GLUD1: variants seen among roughly 807,000 people sequenced by gnomAD.
The protein encoded by GLUD1 is glutamate dehydrogenase 1, mitochondrial.
A neutral mutation model predicts 56.0 loss-of-function variants in GLUD1; 22 were observed. The ratio of observed to expected loss-of-function variants is 0.39; its 90% CI spans 0.28 to 0.56. GLUD1 has a LOEUF of 0.56. GLUD1 is among the 20% of genes least tolerant of loss of function. The pLI is 0.58. For missense variants in GLUD1, 451 were observed against 732.0 expected (o/e 0.62, Z 4.43); for synonymous variants, 223 against 269.9 (o/e 0.83, Z 1.70).
At position 87,068,148 on chromosome 10, in the gene GLUD1, A is replaced by G; in HGVS notation, c.656T>C (p.Ile219Thr). Residue 219 changes from isoleucine to threonine, a missense_variant, in exon 5 of 13, where the codon ATT becomes ACT. This residue lies in a region of GLUD1 where 248 missense variants were observed against 460.0 expected (regional missense o/e 0.54). Transcript: ENST00000277865. ...GCTCATGTCTGGAGCAGGCACATCAATGCCAGGACCTGCGGGGGCACAGGG... is the reference window on the plus strand; with the variant it reads ...GCTCATGTCTGGAGCAGGCACATCAGTGCCAGGACCTGCGGGGGCACAGGG... ...LAKKGFIGPG[I>T]DVPAPDMSTG... 1 of 1,610,230 alleles carries G rather than the reference A, an allele frequency of 6.2e-7. No homozygotes were observed. The highest frequency in any genetic ancestry group is 8.5e-7 in the Non-Finnish European group (1 of 1,176,442).
Position 87,094,197 on chromosome 10 carries a change from G to A in GLUD1, c.445+128C>T. ...GGCCACATCCGAGGCGGGGTGACCC[G>A]GGCGGGGACCCGGCCCGCTCCAGCT... On this transcript the variant is annotated intron_variant, in intron 1 of 12. Coordinates refer to ENST00000277865, the MANE Select transcript of GLUD1 (RefSeq NM_005271.5). The surrounding 1 kb of genome is among the most constrained non-coding windows in gnomAD (Gnocchi z 6.6). 4 of 1,390,732 alleles carry A rather than the reference G, an allele frequency of 2.9e-6. No homozygotes were observed. Among genetic ancestry groups the A allele is most frequent in the Admixed American group, 2.7e-5 (1 of 37,122 alleles). The allele number at this position is 1,390,732 out of a possible 1,614,324, so 86.1% of individuals were successfully genotyped here. A position where few individuals can be genotyped will look rare whatever the true frequency, so the allele number is the denominator to read the frequency against.
intron 1 of GLUD1, among the ~76,000 whole-genome samples, chr10:87,085,911 C>T (rs941460590): frequency 6.6e-6 from 1 of 152,140 alleles, no homozygotes; most frequent in Non-Finnish European, 1.5e-5. Flanking sequence ...AACTTAGCTG[C>T]ACTTTCACAC....
intron 1 of GLUD1, chr10:87,091,617 G>T (rs2133862550): frequency 1.0e-6 from 1 of 959,802 alleles, no homozygotes; most frequent in Non-Finnish European, 1.2e-6. Context: ...TCAGGTACAT[G>T]TAGTAACTGG....
rs1441629623 is a variant in GLUD1 at position 87,050,331 on chromosome 10, AAAC to A, written c.*1417_*1419del. 6.6e-6 allele frequency among the ~76,000 whole-genome samples: 1 copy of A among 152,142 alleles called. No homozygotes were observed. The highest frequency in any genetic ancestry group is 2.4e-5 in the African/African-American group (1 of 41,432). On this transcript the variant is annotated 3_prime_UTR_variant, in exon 13 of 13. Transcript: ENST00000277865. ...GTAAAGCACCGAACAAAAAAAAAAA[AAAC>A]AATTCAAGAATAAAATCTGGGCAGC... is the stretch of plus-strand genomic sequence containing the variant.
chr10:87,071,084 G>A (rs762764116), intron 4 of GLUD1, among the ~76,000 whole-genome samples: 74 of 151,720 alleles, frequency 4.9e-4, no homozygotes, highest in Non-Finnish European at 9.1e-4. Flanking sequence ...AGCTGAGATC[G>A]TGCCACTACA....
intron 2 of GLUD1, 98 bp from the exon 3 acceptor site, chr10:87,076,121 G>C (rs1846386337): frequency 1.2e-6 from 1 of 864,492 alleles, no homozygotes. Flanking sequence ...GATGCTTTAA[G>C]CTTGAATTTC....
chr10:87,080,175 A>C lies in GLUD1; in HGVS notation c.446-3519T>G, dbSNP rs190605077. On this transcript the variant is annotated intron_variant, in intron 1 of 12. Coordinates refer to ENST00000277865, the MANE Select transcript of GLUD1 (RefSeq NM_005271.5). Reference sequence around the variant, plus strand: ...GGCTGGTCTCCAGCTCCTAACCGCGAGTGATCCGCCAGCCTAGGCCTCCGG... The same window carrying C: ...GGCTGGTCTCCAGCTCCTAACCGCGCGTGATCCGCCAGCCTAGGCCTCCGG... Among the ~76,000 whole-genome samples the C allele has an allele frequency of 8.0e-3, 1,221 of 152,034 alleles. 8 individuals are homozygous for C. Among genetic ancestry groups the C allele is most frequent in the African/African-American group, 0.028 (1,153 of 41,454 alleles).
chr10:87,059,308 T>G, intron 9 of GLUD1, 35 bp from the exon 10 acceptor site: 1 of 1,609,856 alleles, frequency 6.2e-7, no homozygotes, highest in Non-Finnish European at 8.5e-7. Flanking sequence ...AATTAGAAGA[T>G]GATGGTTTTC....
At chr10:87,063,971 C>T (rs1001757401) in intron 5 of GLUD1, among the ~76,000 whole-genome samples, 4 of 152,038 alleles carry the variant, frequency 2.6e-5, no homozygotes, top group Non-Finnish European at 4.4e-5. Context: ...CTCCATCTCC[C>T]GGGTTCACGC....
At chr10:87,065,251 T>C (rs971561331) in intron 5 of GLUD1, among the ~76,000 whole-genome samples, 14 of 115,378 alleles carry the variant, frequency 1.2e-4, no homozygotes, top group Non-Finnish European at 2.1e-4. Flanking sequence ...TGAGATCGGG[T>C]GACAGAGTGA....
chr10:87,087,863 A>G (rs1841420616), intron 1 of GLUD1, among the ~76,000 whole-genome samples: 1 of 152,026 alleles, frequency 6.6e-6, no homozygotes, highest in African/African-American at 2.4e-5. Context: ...GGCTGATCAC[A>G]TGAGGTCGGG....
chr10:87,058,171 T>A (rs1375616601), intron 10 of GLUD1, among the ~76,000 whole-genome samples: 1 of 152,160 alleles, frequency 6.6e-6, no homozygotes, highest in Non-Finnish European at 1.5e-5. Context: ...CCTGGCCTTA[T>A]ACAGAGTTTT....
At chr10:87,064,455 G>A (rs1846022804) in intron 5 of GLUD1, among the ~76,000 whole-genome samples, 2 of 152,020 alleles carry the variant, frequency 1.3e-5, no homozygotes, top group African/African-American at 4.8e-5. Flanking sequence ...TAAGTCAGTG[G>A]CAAAAGTATA....
chr10:87,087,210 G>A (rs910183390), intron 1 of GLUD1, among the ~76,000 whole-genome samples: 1 of 152,180 alleles, frequency 6.6e-6, no homozygotes, highest in African/African-American at 2.4e-5. Flanking sequence ...AACATGAAGA[G>A]GTACACAGGG....
At chr10:87,068,301 T>C (rs979603076) in intron 4 of GLUD1, 144 bp from the exon 5 acceptor site, 43 of 660,534 alleles carry the variant, frequency 6.5e-5, no homozygotes, top group African/African-American at 2.5e-4. Context: ...ATCAAAGTCA[T>C]AGAAATATTC....
chr10:87,076,140 C>G, intron 2 of GLUD1, 117 bp from the exon 3 acceptor site: 1 of 793,604 alleles, frequency 1.3e-6, no homozygotes, highest in South Asian at 1.4e-5. Context: ...TCTGAAAATT[C>G]AAGAAATAAA....
At chr10:87,071,394 C>T (rs1368823774) in intron 4 of GLUD1, among the ~76,000 whole-genome samples, 3 of 151,800 alleles carry the variant, frequency 2.0e-5, no homozygotes, top group Admixed American at 2.0e-4. Flanking sequence ...ACCATGTTGG[C>T]CAGGCTGGTC....
intron 10 of GLUD1, among the ~76,000 whole-genome samples, 165 bp from the exon 11 acceptor site, chr10:87,057,947 C>A (rs1323610919): frequency 1.3e-5 from 2 of 152,178 alleles, no homozygotes; most frequent in Non-Finnish European, 2.9e-5. Flanking sequence ...CAGCTCACTG[C>A]AAACTCTGCC....
intron 5 of GLUD1, chr10:87,067,807 C>A: frequency 2.3e-6 from 1 of 432,590 alleles, no homozygotes; most frequent in Non-Finnish European, 4.3e-6. Context: ...TCTTGATGTA[C>A]GTTCTAGTGT....
Sources: allele counts gnomAD v4.1 joint callset (sites outside exome capture counted in the v4.1 genomes callset), GRCh38; gene constraint gnomAD v4.1.1; regional missense constraint gnomAD v4.1.1; non-coding constraint Gnocchi (gnomAD v3.1); transcripts MANE v1.5; gene names NCBI Gene and HGNC (gene_info 2026-07-23, HGNC 2026-07-21).